Variants in TRPM3 observed in about 807,000 individuals in gnomAD.
The protein encoded by TRPM3 is long transient receptor potential channel 3.
Under a neutral mutation model 181.2 loss-of-function variants are expected in TRPM3, and 77 were observed. The observed-to-expected ratio is 0.42, with a 90% CI of 0.35 to 0.51. The LOEUF (loss-of-function observed/expected upper bound fraction) is 0.51. Among genes scored for constraint, TRPM3 ranks in the 20% least tolerant of loss-of-function variants. TRPM3 has a pLI of 0.01. For missense variants in TRPM3, 1,759 were observed against 2,196.7 expected (o/e 0.80, Z 3.98); for synonymous variants, 745 against 796.4 (o/e 0.94, Z 1.09).
At chr9:70,767,435 G>C (rs1345065879) in intron 7 of TRPM3, among the ~76,000 whole-genome samples, 1 of 152,186 alleles carries the variant, frequency 6.6e-6, no homozygotes, top group East Asian at 1.9e-4. Flanking sequence ...AACTGAAAAA[G>C]TTGTATGCCA....
chr9:71,322,540 G>A (rs1449943937), intron 1 of TRPM3, among the ~76,000 whole-genome samples: 1 of 152,038 alleles, frequency 6.6e-6, no homozygotes, highest in Non-Finnish European at 1.5e-5. Flanking sequence ...CATGCTCTGG[G>A]TGAGTGAGGT....
chr9:71,441,753 C>T (rs1051026651), intron 1 of TRPM3, among the ~76,000 whole-genome samples: 18 of 151,900 alleles, frequency 1.2e-4, no homozygotes, highest in Middle Eastern at 3.4e-3. Flanking sequence ...TTGCCTCAGC[C>T]TCCTGAGTAG....
chr9:70,999,841 G>A (rs142401197), intron 1 of TRPM3, among the ~76,000 whole-genome samples: 24 of 152,248 alleles, frequency 1.6e-4, no homozygotes, highest in African/African-American at 4.8e-4. Flanking sequence ...GCATTCCTAC[G>A]GCTTTCAGGA....
rs529125922 is a variant in TRPM3, at chr9:70,889,438, C to T, written c.178-24927G>A. Among the ~76,000 whole-genome samples, 13 of 152,298 alleles carry T rather than the reference C, an allele frequency of 8.5e-5. No homozygotes were observed. In the South Asian group the frequency reaches 2.5e-3, roughly 29 times the overall value. ...CCCGCCAACCCCACCTGTTTTCTTA[C>T]CTCTGTCGGCCACTAGACCATGGTC... On this transcript the variant is annotated intron_variant, in intron 1 of 25. Transcript: ENST00000677713.
At chr9:71,007,448 C>CA (rs915675988) in intron 1 of TRPM3, among the ~76,000 whole-genome samples, 8 of 151,572 alleles carry the variant, frequency 5.3e-5, no homozygotes, top group Admixed American at 2.0e-4. Flanking sequence ...GAACATTCTC[C>CA]AAAAAAACTG....
At chr9:71,376,864 T>C (rs115117416) in intron 1 of TRPM3, among the ~76,000 whole-genome samples, 2,843 of 152,226 alleles carry the variant, frequency 0.019, 31 homozygotes, top group Middle Eastern at 0.065. Flanking sequence ...AGTTGAATTT[T>C]TAAGTGTTCT....
chr9:70,663,491 A>G (rs1200538923), intron 9 of TRPM3, among the ~76,000 whole-genome samples: 2 of 152,352 alleles, frequency 1.3e-5, no homozygotes, highest in Non-Finnish European at 2.9e-5. Context: ...ATAATAATTT[A>G]TCAGATCTTT....
At chr9:70,828,906 C>T (rs2093722135) in intron 5 of TRPM3, among the ~76,000 whole-genome samples, 1 of 152,116 alleles carries the variant, frequency 6.6e-6, no homozygotes, top group Non-Finnish European at 1.5e-5. Flanking sequence ...CCAGGACTGC[C>T]TGATTCCAAA....
intron 1 of TRPM3, among the ~76,000 whole-genome samples, chr9:70,895,377 A>G (rs2096267365): frequency 6.6e-6 from 1 of 152,226 alleles, no homozygotes; most frequent in South Asian, 2.1e-4. Context: ...GCTGAAATCT[A>G]AAGGGACACA....
At chr9:70,837,580 T>C (rs993285176) in intron 5 of TRPM3, among the ~76,000 whole-genome samples, 3 of 152,216 alleles carry the variant, frequency 2.0e-5, no homozygotes, top group Non-Finnish European at 4.4e-5. Flanking sequence ...AGACAAACAA[T>C]CAAGCCTTCA....
rs1491419978 is a variant in TRPM3 at position 71,420,800 on chromosome 9, A to AGAGGGAAAGAAAGAGAGAGG, written c.183+25852_183+25853insCCTCTCTCTTTCTTTCCCTC. Among the ~76,000 whole-genome samples the AGAGGGAAAGAAAGAGAGAGG allele has an allele frequency of 5.0e-4, 4 of 7,984 alleles. 1 individual carries two copies. Among genetic ancestry groups the AGAGGGAAAGAAAGAGAGAGG allele is most frequent in the Non-Finnish European group, 1.2e-3 (4 of 3,210 alleles). The allele number at this position is 7,984 out of a possible 152,430, so 5.2% of individuals were successfully genotyped here. ...GAAAGAGAGAGAAAGAGAGAGAAAG[A>AGAGGGAAAGAAAGAGAGAGG]AAGAGAGAAAGAAAGAGAGAAAGAG... On this transcript the variant is annotated intron_variant, in intron 1 of 24. Transcript: ENST00000357533.
At chr9:71,128,218 T>A (rs1330124949) in intron 1 of TRPM3, among the ~76,000 whole-genome samples, 1 of 152,160 alleles carries the variant, frequency 6.6e-6, no homozygotes, top group Admixed American at 6.5e-5. Flanking sequence ...AATCATATAT[T>A]CCAATAATGG....
chr9:71,097,791 G>T (rs1007858159), intron 1 of TRPM3, among the ~76,000 whole-genome samples: 8 of 152,110 alleles, frequency 5.3e-5, no homozygotes, highest in African/African-American at 1.9e-4. Flanking sequence ...TTTGCCAACA[G>T]ATGAAATACT....
chr9:71,327,894 G>A (rs979840699), intron 1 of TRPM3, among the ~76,000 whole-genome samples: 2 of 152,066 alleles, frequency 1.3e-5, no homozygotes, highest in Non-Finnish European at 2.9e-5. Flanking sequence ...AACTATGTGT[G>A]GTACTTGGCA....
chr9:70,803,197 A>G (rs1442087782), intron 6 of TRPM3, among the ~76,000 whole-genome samples: 1 of 152,038 alleles, frequency 6.6e-6, no homozygotes, highest in East Asian at 1.9e-4. Context: ...GACTCGCAGC[A>G]TCCTTGCATC....
At chr9:70,862,759 G>A (rs2095554453) in intron 3 of TRPM3, 149 bp downstream of exon 3, 1 of 721,828 alleles carries the variant, frequency 1.4e-6, no homozygotes, top group Non-Finnish European at 2.4e-6. Context: ...AGACACACAG[G>A]GGCAGGGGAC....
chr9:70,655,231 G>A lies in TRPM3; in HGVS notation c.1346-14571C>T, dbSNP rs1401187255. Reference sequence around the variant, plus strand: ...TGGGGCAGGAGAATCACTTGAACCTGGGAGGCAGAGGTTGCAGTGAGCTGA... The same window carrying A: ...TGGGGCAGGAGAATCACTTGAACCTAGGAGGCAGAGGTTGCAGTGAGCTGA... On this transcript the variant is annotated intron_variant, in intron 9 of 25. Transcript: ENST00000677713. Among the ~76,000 whole-genome samples, 3 of 145,854 alleles carry A rather than the reference G, an allele frequency of 2.1e-5. No individual in the cohort carries two copies. In the South Asian group the frequency reaches 6.6e-4, roughly 32 times the overall value.
intron 6 of TRPM3, among the ~76,000 whole-genome samples, chr9:70,822,503 A>C (rs1000239838): frequency 3.3e-5 from 5 of 152,150 alleles, no homozygotes; most frequent in Admixed American, 3.3e-4. Flanking sequence ...GCAAATGCAT[A>C]AAGATAGAAA....
intron 1 of TRPM3, among the ~76,000 whole-genome samples, chr9:71,159,350 CAT>C (rs955832207): frequency 1.3e-5 from 2 of 152,060 alleles, no homozygotes; most frequent in Non-Finnish European, 2.9e-5. Flanking sequence ...CACTAACAAA[CAT>C]ATGCTTCTGT....
Sources: gnomAD v4.1 joint callset for allele counts (sites outside exome capture counted in the v4.1 genomes callset) on GRCh38, gnomAD v4.1.1 for gene constraint, MANE v1.5 for transcripts, NCBI Gene and HGNC (gene_info 2026-07-23, HGNC 2026-07-21) for gene names.